Variants in PCSK2 observed in about 807,000 individuals in gnomAD.
PCSK2 encodes neuroendocrine convertase 2.
A neutral mutation model predicts 69.7 loss-of-function variants in PCSK2; 14 were observed. That is an observed-to-expected ratio of 0.20 (90% CI 0.13 to 0.31). PCSK2 has a LOEUF of 0.31. PCSK2 is among the 10% of genes least tolerant of loss of function. The pLI, the probability that PCSK2 is intolerant of heterozygous loss-of-function variation, is 1.00. For synonymous variants in PCSK2, 307 were observed against 320.7 expected, an observed-to-expected ratio of 0.96 and a Z score of 0.46; for missense variants, 544 against 842.5, an observed-to-expected ratio of 0.65 and a Z score of 4.39.
At chr20:17,300,981 T>C (rs145642832) in intron 2 of PCSK2, among the ~76,000 whole-genome samples, 107 of 152,222 alleles carry the variant, frequency 7.0e-4, no homozygotes, top group African/African-American at 2.6e-3. Context: ...AATGACCCAA[T>C]GAAATAAGTA....
intron 2 of PCSK2, among the ~76,000 whole-genome samples, chr20:17,279,326 T>C (rs998140344): frequency 2.6e-5 from 4 of 152,228 alleles, no homozygotes; most frequent in Non-Finnish European, 5.9e-5. Context: ...AATGGTGCCA[T>C]TGGGAGGTCA....
chr20:17,410,335 T>C (rs2031841846), intron 6 of PCSK2, among the ~76,000 whole-genome samples: 1 of 152,180 alleles, frequency 6.6e-6, no homozygotes. Flanking sequence ...ATCATTTCTA[T>C]TATTTGATAC....
Position 17,365,635 on chromosome 20 carries a change from C to T in PCSK2, c.506-3605C>T, listed in dbSNP as rs73255657. Among the ~76,000 whole-genome samples the T allele has an allele frequency of 2.9e-3, 447 of 152,250 alleles. 3 individuals are homozygous for T. Among genetic ancestry groups the T allele is most frequent in the African/African-American group, 0.01 (429 of 41,540 alleles). On this transcript the variant is annotated intron_variant, in intron 4 of 11. Transcript: ENST00000262545. ...ATTCATCCTGAGGCAAATTGCTCTCCAGCTGTGAACTTGTAAAATCAAACA... is the reference window on the plus strand; with the variant it reads ...ATTCATCCTGAGGCAAATTGCTCTCTAGCTGTGAACTTGTAAAATCAAACA...
At chr20:17,239,344 T>A (rs1266699294) in intron 1 of PCSK2, among the ~76,000 whole-genome samples, 1 of 152,166 alleles carries the variant, frequency 6.6e-6, no homozygotes, top group African/African-American at 2.4e-5. Context: ...CTAGGAACTG[T>A]CAGCCAAGAA....
At chr20:17,462,131 C>T (rs895907954) in intron 10 of PCSK2, among the ~76,000 whole-genome samples, 3 of 152,098 alleles carry the variant, frequency 2.0e-5, no homozygotes, top group Non-Finnish European at 4.4e-5. Context: ...CCCTGGAAAG[C>T]TCTATTTTTC....
At chr20:17,241,356 A>G (rs1352525478) in intron 1 of PCSK2, among the ~76,000 whole-genome samples, 2 of 152,238 alleles carry the variant, frequency 1.3e-5, no homozygotes, top group African/African-American at 4.8e-5. Context: ...GGGTCAGTTC[A>G]TGACCAGTCA....
chr20:17,410,601 G>A (rs1439170911), intron 6 of PCSK2, among the ~76,000 whole-genome samples: 2 of 152,196 alleles, frequency 1.3e-5, no homozygotes, highest in Non-Finnish European at 2.9e-5. Context: ...CCTGCAACCT[G>A]AAAATGACAT....
intron 2 of PCSK2, among the ~76,000 whole-genome samples, chr20:17,275,703 T>C (rs937530814): frequency 1.3e-5 from 2 of 152,144 alleles, no homozygotes; most frequent in Non-Finnish European, 2.9e-5. Context: ...TTCTTTGAAG[T>C]ATAAGGAAAC....
At chr20:17,230,165 G>A (rs974375109) in intron 1 of PCSK2, among the ~76,000 whole-genome samples, 1 of 152,028 alleles carries the variant, frequency 6.6e-6, no homozygotes, top group Non-Finnish European at 1.5e-5. Flanking sequence ...CATCTTAGAG[G>A]CCCTTATGTC....
intron 1 of PCSK2, among the ~76,000 whole-genome samples, chr20:17,248,196 G>GTGTC (rs1243077495): frequency 6.6e-6 from 1 of 151,682 alleles, no homozygotes; most frequent in Non-Finnish European, 1.5e-5. Flanking sequence ...GTGTGTGTGT[G>GTGTC]TGTGTGTGTG....
intron 6 of PCSK2, 24 bp downstream of exon 6, chr20:17,409,363 C>G: frequency 6.5e-7 from 1 of 1,540,800 alleles, no homozygotes; most frequent in Non-Finnish European, 9.0e-7. Flanking sequence ...TGGGAGGTCT[C>G]TTTGACTTTA....
chr20:17,268,622 G>A (rs755246073), intron 2 of PCSK2, among the ~76,000 whole-genome samples: 4 of 152,184 alleles, frequency 2.6e-5, no homozygotes, highest in Non-Finnish European at 5.9e-5. Flanking sequence ...GCCAAGGACA[G>A]TGGGGAAGGA....
intron 1 of PCSK2, among the ~76,000 whole-genome samples, chr20:17,240,989 C>A (rs1347498666): frequency 6.6e-6 from 1 of 152,170 alleles, no homozygotes. Flanking sequence ...GATCTGCTTT[C>A]CCTCACGTAT....
chr20:17,442,452 G>A (rs1047909997), intron 8 of PCSK2, among the ~76,000 whole-genome samples: 4 of 152,108 alleles, frequency 2.6e-5, no homozygotes, highest in Admixed American at 6.5e-5. Flanking sequence ...CATCAAAAAG[G>A]AGGTTTGGCA....
intron 5 of PCSK2, among the ~76,000 whole-genome samples, chr20:17,402,073 G>A (rs1448485760): frequency 6.6e-6 from 1 of 152,148 alleles, no homozygotes; most frequent in East Asian, 1.9e-4. Flanking sequence ...ACATAGACAG[G>A]CAAAGGCCAC....
chr20:17,278,720 T>C (rs1988189971), intron 2 of PCSK2, among the ~76,000 whole-genome samples: 1 of 152,050 alleles, frequency 6.6e-6, no homozygotes, highest in Non-Finnish European at 1.5e-5. Flanking sequence ...TAAAGTATAA[T>C]AATGATATAA....
intron 4 of PCSK2, among the ~76,000 whole-genome samples, chr20:17,367,090 A>G (rs973867272): frequency 2.0e-5 from 3 of 151,362 alleles, no homozygotes; most frequent in Non-Finnish European, 4.4e-5. Context: ...ATTTTAAAAT[A>G]TAAATATTTA....
At chr20:17,234,370 G>C (rs1464602955) in intron 1 of PCSK2, among the ~76,000 whole-genome samples, 3 of 152,184 alleles carry the variant, frequency 2.0e-5, no homozygotes, top group Non-Finnish European at 4.4e-5. Context: ...TATGACTACA[G>C]TTGGACCACA....
At chr20:17,309,475 G>C (rs1989432215) in intron 2 of PCSK2, among the ~76,000 whole-genome samples, 1 of 152,156 alleles carries the variant, frequency 6.6e-6, no homozygotes, top group African/African-American at 2.4e-5. Context: ...TAGTGTATTA[G>C]TATGTTCTCA....
Sources: allele counts gnomAD v4.1 joint callset (sites outside exome capture counted in the v4.1 genomes callset), GRCh38; gene constraint gnomAD v4.1.1; transcripts MANE v1.5; gene names NCBI Gene and HGNC (gene_info 2026-07-23, HGNC 2026-07-21).